Variants in MTAP observed in about 807,000 individuals in gnomAD.
MTAP encodes the protein methylthioadenosine phosphorylase, also known as S-methyl-5'-thioadenosine phosphorylase.
MTAP carries 33 observed loss-of-function variants against 33.6 expected under a neutral mutation model. The ratio of observed to expected loss-of-function variants is 0.98; its 90% CI spans 0.74 to 1.31. The LOEUF (loss-of-function observed/expected upper bound fraction) is 1.31, where lower values mean the gene tolerates loss of function less well. Ranked by LOEUF, MTAP falls within the 40% of genes most tolerant of loss-of-function variation. The pLI, the probability that MTAP is intolerant of heterozygous loss-of-function variation, is 0.00. For synonymous variants in MTAP, 148 were observed against 125.7 expected (o/e 1.18, Z -1.19); for missense variants, 367 against 360.0 (o/e 1.02, Z -0.16).
At chr9:21,859,255 C>T (rs374088254) in intron 6 of MTAP, 48 bp from the exon 7 acceptor site, 22 of 1,564,738 alleles carry the variant, frequency 1.4e-5, no homozygotes, top group South Asian at 1.1e-4. Context: ...TTATGACAAG[C>T]AGTGGAATTT....
intron 5 of MTAP, 25 bp from the exon 6 acceptor site, chr9:21,854,606 G>C (rs769456192): frequency 2.0e-6 from 3 of 1,522,792 alleles, no homozygotes; most frequent in Non-Finnish European, 2.6e-6. Flanking sequence ...AGTATGTTTT[G>C]AAGTTTCTGG....
intron 5 of MTAP, among the ~76,000 whole-genome samples, chr9:21,850,995 A>C (rs1587245798): frequency 6.6e-6 from 1 of 152,200 alleles, no homozygotes; most frequent in Non-Finnish European, 1.5e-5. Flanking sequence ...GACCCAGACT[A>C]TCAAGATGAA....
At chr9:21,836,843 C>T (rs751693888) in intron 4 of MTAP, among the ~76,000 whole-genome samples, 1 of 152,124 alleles carries the variant, frequency 6.6e-6, no homozygotes, top group South Asian at 2.1e-4. Context: ...GTGTGATGAA[C>T]TAGAAGTAAC....
At chr9:21,805,043 A>G (rs1824173677) in intron 1 of MTAP, among the ~76,000 whole-genome samples, 1 of 152,220 alleles carries the variant, frequency 6.6e-6, no homozygotes. Context: ...CCACCCAGGT[A>G]TAGGTATAGG....
At chr9:21,918,316 C>G (rs1818727863) in intron 1 of MTAP, among the ~76,000 whole-genome samples, 2 of 132,390 alleles carry the variant, frequency 1.5e-5, no homozygotes, top group Admixed American at 1.6e-4. Flanking sequence ...CGCCACTGCA[C>G]TCCAGCCTGG....
chr9:21,844,708 T>C (rs541991371), intron 5 of MTAP, among the ~76,000 whole-genome samples: 1 of 152,212 alleles, frequency 6.6e-6, no homozygotes, highest in African/African-American at 2.4e-5. Context: ...CTCAGCAAAA[T>C]TGGCATAGAA....
At chr9:21,874,624 G>A (rs1483763491) in intron 1 of MTAP, among the ~76,000 whole-genome samples, 6 of 151,714 alleles carry the variant, frequency 4.0e-5, no homozygotes, top group South Asian at 2.1e-4. Flanking sequence ...AGTTTCTTCC[G>A]CTGTGCAGAA....
At chr9:21,909,915 A>G (rs1003789499) in intron 1 of MTAP, among the ~76,000 whole-genome samples, 12 of 152,148 alleles carry the variant, frequency 7.9e-5, no homozygotes, top group African/African-American at 2.7e-4. Flanking sequence ...CAGAATTCAG[A>G]ATTTAAATCC....
intron 1 of MTAP, among the ~76,000 whole-genome samples, chr9:21,889,611 C>T (rs1818166304): frequency 6.6e-6 from 1 of 152,072 alleles, no homozygotes. Flanking sequence ...CCCCCCACTT[C>T]CCCTAGGGAT....
intron 1 of MTAP, 93 bp downstream of exon 1, chr9:21,802,874 C>G (rs575255607): frequency 5.2e-6 from 8 of 1,537,638 alleles, no homozygotes; most frequent in Non-Finnish European, 7.0e-6. Flanking sequence ...GCCATGCGCC[C>G]GGCCCGTGCG....
intron 5 of MTAP, among the ~76,000 whole-genome samples, chr9:21,853,090 A>G (rs1825555937): frequency 6.6e-6 from 1 of 152,224 alleles, no homozygotes; most frequent in Non-Finnish European, 1.5e-5. Flanking sequence ...GGTGGCTGAC[A>G]TATATTCATA....
chr9:21,907,568 C>A (rs367922924), intron 1 of MTAP, among the ~76,000 whole-genome samples: 61 of 151,728 alleles, frequency 4.0e-4, no homozygotes, highest in African/African-American at 1.1e-3. Flanking sequence ...AAAACAACAA[C>A]AAAAAAAATT....
At chr9:21,939,175 C>G (rs1271765882), downstream of MTAP, among the ~76,000 whole-genome samples, 1 of 152,138 alleles carries the variant, frequency 6.6e-6, no homozygotes, top group Non-Finnish European at 1.5e-5. Flanking sequence ...AAGTGCCTTT[C>G]AGCTCCCGCC....
chr9:21,907,129 T>G (rs552870207), intron 1 of MTAP, among the ~76,000 whole-genome samples: 6 of 152,224 alleles, frequency 3.9e-5, no homozygotes, highest in Non-Finnish European at 8.8e-5. Context: ...TTGAAGTCAT[T>G]TCATCTAGAG....
Position 21,864,072 on chromosome 9 carries a change from T to C in MTAP, c.*2058T>C. On this transcript the variant is annotated 3_prime_UTR_variant, in exon 8 of 8. Coordinates refer to ENST00000644715, the MANE Select transcript of MTAP (RefSeq NM_002451.4). ...GTACCTTACTTTTCCTCATTCTTAA[T>C]AGGTGTCTAAGAATGTCAGGGCAAA... 2.0e-6 allele frequency: 2 copies of C among 985,472 alleles called. No homozygotes were observed. The highest frequency in any genetic ancestry group is 2.4e-6 in the Non-Finnish European group (2 of 829,906). The allele number at this position is 985,472 out of a possible 1,614,324, so 61.0% of individuals were successfully genotyped here.
chr9:21,805,328 A>G (rs1179736931), intron 1 of MTAP, among the ~76,000 whole-genome samples: 4 of 152,238 alleles, frequency 2.6e-5, no homozygotes, highest in Non-Finnish European at 1.5e-5. Flanking sequence ...CTAGCCATCT[A>G]CTGGTGGAAT....
chr9:21,818,829 G>A (rs548805535), intron 4 of MTAP, among the ~76,000 whole-genome samples: 6 of 152,038 alleles, frequency 3.9e-5, no homozygotes, highest in African/African-American at 1.2e-4. Flanking sequence ...TACATAATAC[G>A]TTGTCATTAG....
At chr9:21,916,309 A>G (rs977102055) in intron 1 of MTAP, among the ~76,000 whole-genome samples, 1 of 152,104 alleles carries the variant, frequency 6.6e-6, no homozygotes, top group African/African-American at 2.4e-5. Context: ...TGGTTTACTT[A>G]TAAGAAATGA....
chr9:21,931,040 A>C (rs773658297), exon 2 of MTAP: 14 of 764,298 alleles, frequency 1.8e-5, no homozygotes, highest in Middle Eastern at 4.5e-4. Flanking sequence ...TCAGTGAGGG[A>C]TACCATCCTT....
Sources: gnomAD v4.1 joint callset for allele counts (sites outside exome capture counted in the v4.1 genomes callset) on GRCh38, gnomAD v4.1.1 for gene constraint, MANE v1.5 for transcripts, NCBI Gene and HGNC (gene_info 2026-07-23, HGNC 2026-07-21) for gene names.